The following TMEM108 variants were observed in gnomAD, a reference collection of about 807,000 sequenced individuals.
TMEM108 encodes the protein cancer/testis antigen 124.
Under a neutral mutation model 35.1 loss-of-function variants are expected in TMEM108, and 12 were observed. That is an observed-to-expected ratio of 0.34 (90% confidence interval 0.22 to 0.55). TMEM108 has a LOEUF of 0.55. Among genes scored for constraint, TMEM108 ranks in the 20% least tolerant of loss-of-function variants. The pLI is 0.89. For synonymous variants in TMEM108, 287 were observed against 308.6 expected (o/e 0.93, Z 0.73); for missense variants, 680 against 753.3 (o/e 0.90, Z 1.14).
At chr3:133,395,246 C>T (rs76318466) in intron 5 of TMEM108, among the ~76,000 whole-genome samples, 6,765 of 152,282 alleles carry the variant, frequency 0.044, 185 homozygotes, top group Non-Finnish European at 0.062. Context: ...ATCCATTCAG[C>T]TCAGCATCAC....
intron 3 of TMEM108, chr3:133,245,959 T>C (rs991229550): frequency 6.6e-6 from 1 of 152,150 alleles, no homozygotes; most frequent in Non-Finnish European, 1.5e-5. Context: ...TGCTTTCTTT[T>C]TTTTTTTCAG....
rs944152082 is a variant in TMEM108 at position 133,397,645 on chromosome 3, T to G, written c.*1659T>G. ...GAAAAATCTGTTTGTAAAGTAAAAT[T>G]TATATATAATATATGTAATCAAAGA... On this transcript the variant is annotated 3_prime_UTR_variant, in exon 6 of 6. Coordinates refer to ENST00000321871, the MANE Select transcript of TMEM108 (RefSeq NM_023943.4). 1 of 152,160 alleles carries G rather than the reference T, an allele frequency of 6.6e-6. No individual in the cohort carries two copies. Among genetic ancestry groups the G allele is most frequent in the African/African-American group, 2.4e-5 (1 of 41,448 alleles). 9.4% of individuals were successfully genotyped at this position (152,160 alleles called of 1,614,324 possible).
intron 2 of TMEM108, among the ~76,000 whole-genome samples, chr3:133,210,634 C>T (rs1945822673): frequency 6.6e-6 from 1 of 152,162 alleles, no homozygotes. Flanking sequence ...TGATATAAAG[C>T]TATTGTATTA....
At chr3:133,389,683 CAAAAAAAAAAAAAAAAA>C (rs1218055802) in intron 4 of TMEM108, 1 of 100,484 alleles carries the variant, frequency 1.0e-5, no homozygotes, top group Non-Finnish European at 1.9e-5. Flanking sequence ...TAGACTCCAT[CAAAAAAAAAAAAAAAAA>C]GAAAAAAAAA....
intron 3 of TMEM108, among the ~76,000 whole-genome samples, chr3:133,269,072 G>A (rs900058076): frequency 5.9e-5 from 9 of 151,984 alleles, no homozygotes; most frequent in East Asian, 1.9e-4. Context: ...CTGGTCTGCC[G>A]GCTGGCAAGT....
At chr3:133,300,283 C>T (rs189174343) in intron 3 of TMEM108, among the ~76,000 whole-genome samples, 269 of 152,204 alleles carry the variant, frequency 1.8e-3, no homozygotes, top group Middle Eastern at 3.4e-3. Context: ...ATGCAGGATA[C>T]CTGATGGTGT....
chr3:133,207,663 C>T (rs1055788344), intron 2 of TMEM108, among the ~76,000 whole-genome samples: 2 of 152,038 alleles, frequency 1.3e-5, no homozygotes, highest in African/African-American at 4.8e-5. Context: ...TTATATGTAA[C>T]CACAACAGAG....
At chr3:133,201,754 T>G (rs1172891762) in intron 2 of TMEM108, among the ~76,000 whole-genome samples, 3 of 152,224 alleles carry the variant, frequency 2.0e-5, no homozygotes, top group Non-Finnish European at 2.9e-5. Context: ...AGTGCCGCAG[T>G]AAACATACAT....
intron 3 of TMEM108, among the ~76,000 whole-genome samples, chr3:133,297,899 A>G (rs1211031346): frequency 6.6e-6 from 1 of 152,156 alleles, no homozygotes; most frequent in African/African-American, 2.4e-5. Context: ...GTTTGTGTTG[A>G]TGTTGGTATT....
intron 2 of TMEM108, among the ~76,000 whole-genome samples, chr3:133,071,469 A>G (rs1943675325): frequency 1.3e-5 from 2 of 152,212 alleles, no homozygotes; most frequent in Admixed American, 6.5e-5. Flanking sequence ...TAAAGACCCT[A>G]TCTTCAAATA....
intron 2 of TMEM108, among the ~76,000 whole-genome samples, chr3:133,058,115 A>G (rs1943494472): frequency 6.6e-6 from 1 of 152,186 alleles, no homozygotes; most frequent in Non-Finnish European, 1.5e-5. Flanking sequence ...TGTTTTTGTA[A>G]TTATGAGTAC....
intron 2 of TMEM108, among the ~76,000 whole-genome samples, chr3:133,142,467 C>T (rs540047254): frequency 1.3e-5 from 2 of 152,052 alleles, no homozygotes; most frequent in East Asian, 1.9e-4. Flanking sequence ...TGTCAAGGTC[C>T]GTGAGAACAT....
In TMEM108 at chr3:133,182,600, G is replaced by A. The variant is rs1212762163; in HGVS notation, c.-46-46666G>A. Among the ~76,000 whole-genome samples, 2 of 152,140 alleles carry A rather than the reference G, an allele frequency of 1.3e-5. 1 individual carries two copies. Among genetic ancestry groups the A allele is most frequent in the Non-Finnish European group, 2.9e-5 (2 of 68,018 alleles). Reference sequence around the variant, plus strand: ...CATGTTTTAGTAACCTTAAACATTGGCTTATGTCTTTATTTGCCCATTGTG... The same window carrying A: ...CATGTTTTAGTAACCTTAAACATTGACTTATGTCTTTATTTGCCCATTGTG... On this transcript the variant is annotated intron_variant, in intron 2 of 5. Coordinates refer to ENST00000321871, the MANE Select transcript of TMEM108 (RefSeq NM_023943.4).
At chr3:133,293,306 A>G (rs1255857023) in intron 3 of TMEM108, among the ~76,000 whole-genome samples, 1 of 151,600 alleles carries the variant, frequency 6.6e-6, no homozygotes, top group Non-Finnish European at 1.5e-5. Context: ...GAAAGCCTTT[A>G]TCACACTCCT....
At chr3:133,059,116 T>C (rs1943506846) in intron 2 of TMEM108, among the ~76,000 whole-genome samples, 1 of 152,236 alleles carries the variant, frequency 6.6e-6, no homozygotes, top group South Asian at 2.1e-4. Context: ...TTTCTGGCTT[T>C]GGATTACAAG....
intron 3 of TMEM108, among the ~76,000 whole-genome samples, chr3:133,283,909 G>C (rs890966982): frequency 6.6e-6 from 1 of 152,224 alleles, no homozygotes; most frequent in Admixed American, 6.5e-5. Context: ...AGAGATGTAA[G>C]AGGCAAGACT....
intron 2 of TMEM108, among the ~76,000 whole-genome samples, chr3:133,122,756 G>A (rs9854740): frequency 0.22 from 32,746 of 151,634 alleles, 4,319 homozygotes; most frequent in Non-Finnish European, 0.3. Context: ...CCAGCTACTC[G>A]GGAGGCTGAG....
chr3:133,326,230 A>C (rs2071331523), intron 3 of TMEM108, among the ~76,000 whole-genome samples: 1 of 152,178 alleles, frequency 6.6e-6, no homozygotes, highest in Admixed American at 6.5e-5. Context: ...ACCCCAGTCT[A>C]ATGGTCAAAA....
chr3:133,311,956 T>G (rs2071134075), intron 3 of TMEM108, among the ~76,000 whole-genome samples: 1 of 152,242 alleles, frequency 6.6e-6, no homozygotes, highest in Non-Finnish European at 1.5e-5. Flanking sequence ...GTTTTCCTTC[T>G]AACAGTCAGG....
Sources: gnomAD v4.1 joint callset for allele counts (sites outside exome capture counted in the v4.1 genomes callset) on GRCh38, gnomAD v4.1.1 for gene constraint, MANE v1.5 for transcripts, NCBI Gene and HGNC (gene_info 2026-07-23, HGNC 2026-07-21) for gene names.